Variants in CACNA2D1 observed in about 807,000 individuals in gnomAD.
CACNA2D1 encodes the protein calcium voltage-gated channel auxiliary subunit alpha2delta 1.
CACNA2D1 carries 53 observed loss-of-function variants against 171.5 expected under a neutral mutation model. That is an observed-to-expected ratio of 0.31 (90% confidence interval 0.25 to 0.39). The LOEUF is 0.39. Ranked by LOEUF, CACNA2D1 falls within the 10% of genes least tolerant of loss-of-function variation. CACNA2D1 has a pLI of 1.00. For missense variants in CACNA2D1, 903 were observed against 1,299.8 expected, an observed-to-expected ratio of 0.69 and a Z score of 4.69; for synonymous variants, 442 against 443.1, an observed-to-expected ratio of 1.00 and a Z score of 0.03.
At chr7:82,403,715 C>T (rs1826709092) in intron 1 of CACNA2D1, among the ~76,000 whole-genome samples, 1 of 152,186 alleles carries the variant, frequency 6.6e-6, no homozygotes, top group Non-Finnish European at 1.5e-5. Flanking sequence ...CTACCCCAAA[C>T]TATATGGATA....
At chr7:82,306,327 T>C (rs1363845058) in intron 3 of CACNA2D1, among the ~76,000 whole-genome samples, 57 of 152,202 alleles carry the variant, frequency 3.7e-4, no homozygotes, top group Admixed American at 3.7e-3. Context: ...TGTTCTGAAT[T>C]TGCCAACCTC....
In CACNA2D1 at chr7:82,038,062, T is replaced by C. The variant is rs775381880; in HGVS notation, c.1038+15A>G. On this transcript the variant is annotated intron_variant, in intron 11 of 38. Coordinates refer to ENST00000356860, the MANE Select transcript of CACNA2D1 (RefSeq NM_000722.4). Reference sequence around the variant, plus strand: ...TGAACAACAACAACAACAAAAGACATAGCATGATACTTACATTAAGCAGCT... The same window carrying C: ...TGAACAACAACAACAACAAAAGACACAGCATGATACTTACATTAAGCAGCT... 6 of 1,611,288 alleles carry C rather than the reference T, an allele frequency of 3.7e-6. No individual in the cohort carries two copies. The highest frequency in any genetic ancestry group is 2.7e-5 in the African/African-American group (2 of 74,826).
chr7:82,163,753 T>C (rs761407976), intron 4 of CACNA2D1, among the ~76,000 whole-genome samples: 1 of 151,984 alleles, frequency 6.6e-6, no homozygotes, highest in African/African-American at 2.4e-5. Context: ...GCAAACATAG[T>C]ACAACAGTAA....
At chr7:82,229,686 T>TTTTTA (rs142135248) in intron 3 of CACNA2D1, among the ~76,000 whole-genome samples, 2,985 of 147,894 alleles carry the variant, frequency 0.02, 203 homozygotes, top group Admixed American at 0.12. Context: ...ACTTTTTTTA[T>TTTTTA]TTTTATTTTA....
intron 38 of CACNA2D1, among the ~76,000 whole-genome samples, chr7:81,954,490 A>T (rs1395157851): frequency 6.6e-6 from 1 of 152,030 alleles, no homozygotes; most frequent in Non-Finnish European, 1.5e-5. Flanking sequence ...AGTTTTCTTC[A>T]TACAGCATGC....
At chr7:81,980,047 TC>T (rs918920486) in intron 24 of CACNA2D1, among the ~76,000 whole-genome samples, 2 of 150,876 alleles carry the variant, frequency 1.3e-5, no homozygotes, top group African/African-American at 2.4e-5. Flanking sequence ...AGGAAAGAAA[TC>T]CCCACATTGA....
intron 1 of CACNA2D1, among the ~76,000 whole-genome samples, chr7:82,387,110 TC>T (rs1165151015): frequency 6.6e-6 from 1 of 152,146 alleles, no homozygotes; most frequent in Non-Finnish European, 1.5e-5. Flanking sequence ...TTAGGTCATT[TC>T]AAATGGTCAT....
chr7:81,962,566 T>G (rs975829484), intron 34 of CACNA2D1, 71 bp from the exon 35 acceptor site: 11 of 858,260 alleles, frequency 1.3e-5, no homozygotes, highest in Non-Finnish European at 1.9e-5. Context: ...CCCATACACA[T>G]AAATACTGTT....
chr7:82,203,580 C>T (rs1317172020), intron 3 of CACNA2D1, among the ~76,000 whole-genome samples: 3 of 152,162 alleles, frequency 2.0e-5, no homozygotes, highest in Non-Finnish European at 4.4e-5. Context: ...GGCAGCCAAA[C>T]GGGCTATTCA....
chr7:81,978,302 C>T (rs574833172), intron 24 of CACNA2D1, among the ~76,000 whole-genome samples: 8 of 152,172 alleles, frequency 5.3e-5, no homozygotes, highest in South Asian at 2.1e-4. Context: ...TATTGCAGCA[C>T]GGTTCAGAAC....
chr7:82,405,567 G>A (rs569653290), intron 1 of CACNA2D1, among the ~76,000 whole-genome samples: 2 of 152,268 alleles, frequency 1.3e-5, no homozygotes, highest in East Asian at 3.9e-4. Flanking sequence ...ATGATTAACA[G>A]AAATGCATCT....
At chr7:82,158,956 T>C (rs1316142503) in intron 4 of CACNA2D1, among the ~76,000 whole-genome samples, 3 of 151,934 alleles carry the variant, frequency 2.0e-5, no homozygotes, top group African/African-American at 4.8e-5. Flanking sequence ...ATGGTAACTT[T>C]AGGGTATCTG....
chr7:81,958,729 AG>A (rs760619591), intron 38 of CACNA2D1, among the ~76,000 whole-genome samples: 57 of 152,028 alleles, frequency 3.7e-4, no homozygotes, highest in Admixed American at 1.6e-3. Context: ...TTCAAACACT[AG>A]AAAAAGAAAT....
At chr7:82,395,198 TA>T (rs67927269) in intron 1 of CACNA2D1, among the ~76,000 whole-genome samples, 92,999 of 150,392 alleles carry the variant, frequency 0.62, 30,259 homozygotes, top group African/African-American at 0.83. Flanking sequence ...AACATCAAAT[TA>T]AAAAAAAAAC....
chr7:82,378,612 T>G (rs1221606993), intron 1 of CACNA2D1, among the ~76,000 whole-genome samples: 1 of 152,180 alleles, frequency 6.6e-6, no homozygotes, highest in Admixed American at 6.5e-5. Context: ...TTCTGATGCT[T>G]TCATTATATG....
At chr7:82,192,076 C>T (rs938431872) in intron 3 of CACNA2D1, among the ~76,000 whole-genome samples, 4 of 151,662 alleles carry the variant, frequency 2.6e-5, no homozygotes. Context: ...TTACCTTACT[C>T]TGTACTATCA....
chr7:81,991,531 G>A (rs2130743820), intron 20 of CACNA2D1, among the ~76,000 whole-genome samples: 1 of 152,164 alleles, frequency 6.6e-6, no homozygotes, highest in South Asian at 2.1e-4. Context: ...AATGAAACAG[G>A]ACTATGAAGT....
intron 4 of CACNA2D1, among the ~76,000 whole-genome samples, chr7:82,146,982 T>TAAAA (rs1793203439): frequency 4.7e-5 from 1 of 21,134 alleles, no homozygotes; most frequent in African/African-American, 1.8e-4. Flanking sequence ...GACTCCCATC[T>TAAAA]CAAAAAAAAA....
chr7:82,200,099 C>T (rs1424235777), intron 3 of CACNA2D1, among the ~76,000 whole-genome samples: 1 of 151,918 alleles, frequency 6.6e-6, no homozygotes, highest in Non-Finnish European at 1.5e-5. Context: ...CCTTGATACA[C>T]AAAAATCTCT....
Sources: gnomAD v4.1 joint callset for allele counts (sites outside exome capture counted in the v4.1 genomes callset) on GRCh38, gnomAD v4.1.1 for gene constraint, MANE v1.5 for transcripts, NCBI Gene and HGNC (gene_info 2026-07-23, HGNC 2026-07-21) for gene names.